Variants in ROBO2 observed in about 807,000 individuals in gnomAD.
ROBO2 encodes the protein roundabout homolog 2.
In ROBO2, 53 loss-of-function variants were observed where a neutral mutation model predicts 160.8. The ratio of observed to expected loss-of-function variants is 0.33; its 90% CI spans 0.26 to 0.41. The LOEUF (loss-of-function observed/expected upper bound fraction) is 0.41, where lower values mean the gene tolerates loss of function less well. ROBO2 is among the 10% of genes least tolerant of loss of function. The pLI is 1.00. For missense variants in ROBO2, 1,577 were observed against 1,722.4 expected (o/e 0.92, Z 1.49); for synonymous variants, 664 against 611.7 (o/e 1.09, Z -1.26).
At chr3:76,772,521 T>TTA (rs1037385974) in intron 2 of ROBO2, among the ~76,000 whole-genome samples, 4 of 149,794 alleles carry the variant, frequency 2.7e-5, no homozygotes, top group African/African-American at 9.8e-5. Flanking sequence ...TTTTTTCTTT[T>TTA]TTTTTTTTTT....
At chr3:76,223,383 A>G (rs996407087) in intron 2 of ROBO2, among the ~76,000 whole-genome samples, 52 of 151,760 alleles carry the variant, frequency 3.4e-4, no homozygotes, top group African/African-American at 1.2e-3. Context: ...GTGGGGAAGT[A>G]GGTAGGGGGG....
chr3:77,030,118 G>A (rs1388615785), intron 2 of ROBO2, among the ~76,000 whole-genome samples: 1 of 151,852 alleles, frequency 6.6e-6, no homozygotes, highest in Non-Finnish European at 1.5e-5. Context: ...CTAATTTTCT[G>A]TATTTTTAGT....
intron 2 of ROBO2, among the ~76,000 whole-genome samples, chr3:76,308,976 A>G (rs530243844): frequency 4.3e-4 from 65 of 152,328 alleles, no homozygotes; most frequent in Non-Finnish European, 7.2e-4. Context: ...GAAAAATTCA[A>G]CAATTCTATC....
intron 2 of ROBO2, among the ~76,000 whole-genome samples, chr3:76,583,040 C>A (rs930803354): frequency 2.1e-5 from 3 of 145,894 alleles, no homozygotes; most frequent in Non-Finnish European, 3.0e-5. Flanking sequence ...AGAGAAAAAA[C>A]AAACAAAGAA....
intron 2 of ROBO2, among the ~76,000 whole-genome samples, chr3:76,947,105 A>T (rs1387119113): frequency 6.6e-6 from 1 of 152,176 alleles, no homozygotes; most frequent in Non-Finnish European, 1.5e-5. Context: ...TATGCTAAAC[A>T]TTTCCACTTC....
intron 2 of ROBO2, among the ~76,000 whole-genome samples, chr3:76,730,986 G>GTCCTCACCTCCTACTCCCTACCCGCTTT (rs1560460193): frequency 7.6e-5 from 3 of 39,264 alleles, no homozygotes; most frequent in Non-Finnish European, 1.0e-4. Context: ...CTACCCGCTT[G>GTCCTCACCTCCTACTCCCTACCCGCTTT]TCCTCACCTC....
intron 2 of ROBO2, among the ~76,000 whole-genome samples, chr3:77,228,645 C>G (rs62253278): frequency 0.029 from 4,395 of 151,842 alleles, 72 homozygotes; most frequent in Middle Eastern, 0.055. Flanking sequence ...GTAGATGACC[C>G]GTTGATGGGT....
chr3:76,891,118 A>C (rs576809454), intron 2 of ROBO2, among the ~76,000 whole-genome samples: 8 of 152,092 alleles, frequency 5.3e-5, no homozygotes, highest in Non-Finnish European at 1.2e-4. Context: ...AATTTAATTT[A>C]TGTAGTTCTT....
intron 2 of ROBO2, among the ~76,000 whole-genome samples, chr3:77,230,077 G>C (rs1421141623): frequency 6.6e-6 from 1 of 151,688 alleles, no homozygotes; most frequent in African/African-American, 2.4e-5. Context: ...GTTGTTACTT[G>C]AATCACCCAT....
At chr3:76,490,247 T>G (rs1385198321) in intron 2 of ROBO2, among the ~76,000 whole-genome samples, 1 of 152,210 alleles carries the variant, frequency 6.6e-6, no homozygotes, top group Non-Finnish European at 1.5e-5. Flanking sequence ...GATTGATGCC[T>G]GTCCTCGCTG....
At chr3:77,506,590 T>C (rs2088568669) in intron 5 of ROBO2, among the ~76,000 whole-genome samples, 1 of 151,954 alleles carries the variant, frequency 6.6e-6, no homozygotes, top group African/African-American at 2.4e-5. Context: ...GGAGATTGGG[T>C]GCTACTGGCA....
chr3:77,108,005 T>A (rs1048104659), intron 2 of ROBO2, among the ~76,000 whole-genome samples: 1 of 151,994 alleles, frequency 6.6e-6, no homozygotes, highest in African/African-American at 2.4e-5. Flanking sequence ...TGTGTGTGTG[T>A]GCATATAAAC....
At chr3:76,439,867 G>A (rs1045664964) in intron 2 of ROBO2, among the ~76,000 whole-genome samples, 2 of 152,102 alleles carry the variant, frequency 1.3e-5, no homozygotes, top group African/African-American at 4.8e-5. Flanking sequence ...ACACTCCCAC[G>A]ATGGGTAGTT....
At chr3:76,624,986 T>C (rs1328856192) in intron 2 of ROBO2, among the ~76,000 whole-genome samples, 1 of 152,084 alleles carries the variant, frequency 6.6e-6, no homozygotes, top group Non-Finnish European at 1.5e-5. Context: ...TCATTTCTAA[T>C]GCTATAGCTT....
chr3:77,012,790 T>C (rs2149471476), intron 2 of ROBO2, among the ~76,000 whole-genome samples: 1 of 152,346 alleles, frequency 6.6e-6, no homozygotes, highest in East Asian at 1.9e-4. Flanking sequence ...CTGATAATTT[T>C]TATTTCAGCT....
At chr3:77,595,356 G>T (rs947639587) in intron 18 of ROBO2, among the ~76,000 whole-genome samples, 172 bp downstream of exon 19, 7 of 151,986 alleles carry the variant, frequency 4.6e-5, no homozygotes, top group Non-Finnish European at 7.4e-5. Flanking sequence ...GCACTTTAGA[G>T]GAATCAAGTC....
At chr3:76,150,489 T>TCTGTCTAAAGCACA (rs2072153209) in intron 2 of ROBO2, among the ~76,000 whole-genome samples, 3 of 139,262 alleles carry the variant, frequency 2.2e-5, no homozygotes, top group East Asian at 2.1e-4. Context: ...AAAGCACACA[T>TCTGTCTAAAGCACA]CATCTGTCTA....
chr3:76,996,240 G>T (rs975475588), intron 2 of ROBO2, among the ~76,000 whole-genome samples: 8 of 152,116 alleles, frequency 5.3e-5, no homozygotes, highest in South Asian at 4.1e-4. Flanking sequence ...TTTGTCAGGT[G>T]TGTCAAAGAT....
chr3:77,544,956 A>G (rs1052147267), intron 6 of ROBO2, among the ~76,000 whole-genome samples: 1 of 152,050 alleles, frequency 6.6e-6, no homozygotes, highest in Non-Finnish European at 1.5e-5. Flanking sequence ...TCTCAAGATC[A>G]TTAGACCACC....
Sources: allele counts gnomAD v4.1 joint callset (sites outside exome capture counted in the v4.1 genomes callset), GRCh38; gene constraint gnomAD v4.1.1; transcripts MANE v1.5; gene names NCBI Gene and HGNC (gene_info 2026-07-23, HGNC 2026-07-21).